The following UBXN8 variants were observed in gnomAD, a reference collection of about 807,000 sequenced individuals.
UBXN8 encodes the protein UBX domain protein 8, also known as UBX domain-containing protein 8.
A neutral mutation model predicts 32.1 loss-of-function variants in UBXN8; 27 were observed. That is an observed-to-expected ratio of 0.84 (90% confidence interval 0.62 to 1.16). The LOEUF (loss-of-function observed/expected upper bound fraction) is 1.16. Among genes scored for constraint, UBXN8 ranks in the 50% most tolerant of loss-of-function variants. The pLI is 0.00. For synonymous variants in UBXN8, 109 were observed against 111.8 expected (o/e 0.98, Z 0.16); for missense variants, 306 against 311.4 (o/e 0.98, Z 0.13).
In UBXN8 at chr8:30,754,735, T is replaced by C. The variant is rs766029391; in HGVS notation, c.353T>C (p.Phe118Ser). 1 of 1,564,414 alleles carries C rather than the reference T, an allele frequency of 6.4e-7. No homozygotes were observed. Among genetic ancestry groups the C allele is most frequent in the South Asian group, 1.2e-5 (1 of 80,636 alleles). The stretch of plus-strand genomic sequence containing the variant: ...AAATTGAGAAAACTGGAGGAGCGCT[T>C]TTATCAAATGACGGGTGAAGCCTGG... ...EMKLRKLEERFYQMTGEAWKL... is the reference protein window; with the variant it reads ...EMKLRKLEERSYQMTGEAWKL... The change falls in exon 4 of 8, where the codon TTT becomes TCT. Residue 118 changes from phenylalanine to serine, a missense_variant. Physicochemically the swap from Phe to Ser is radical, Grantham distance 155. Coordinates refer to ENST00000265616, the MANE Select transcript of UBXN8 (RefSeq NM_005671.4).
chr8:30,753,226 C>T, intron 3 of UBXN8, 121 bp downstream of exon 3: 1 of 1,269,712 alleles, frequency 7.9e-7, no homozygotes, highest in Non-Finnish European at 1.0e-6. Flanking sequence ...ATAATGAGGT[C>T]AAATTCACGT....
intron 1 of UBXN8, among the ~76,000 whole-genome samples, chr8:30,736,873 T>C (rs1198725841): frequency 6.6e-6 from 1 of 152,178 alleles, no homozygotes; most frequent in Admixed American, 6.5e-5. Flanking sequence ...GCTTAAGAAA[T>C]GTAGTACTAC....
At chr8:30,732,355 G>A, upstream of UBXN8, 2 of 398,184 alleles carry the variant, frequency 5.0e-6, no homozygotes, top group Admixed American at 4.4e-5. Flanking sequence ...AAAAAGCTCA[G>A]ATCTGCCAAC....
upstream of UBXN8, among the ~76,000 whole-genome samples, chr8:30,729,211 A>T (rs551502059): frequency 6.6e-6 from 1 of 152,324 alleles, no homozygotes; most frequent in Admixed American, 6.5e-5. Context: ...GGATCCTGCG[A>T]GCGCTCCTGG....
intron 5 of UBXN8, among the ~76,000 whole-genome samples, chr8:30,758,900 T>TTTTTTG (rs1805746509): frequency 1.6e-5 from 2 of 121,998 alleles, no homozygotes; most frequent in Non-Finnish European, 3.3e-5. Context: ...TTTTGTTTTT[T>TTTTTTG]TTTTTTTTTT....
At position 30,744,357 on chromosome 8, in the gene UBXN8, G is replaced by C; in HGVS notation, c.88+80G>C. On this transcript the variant is annotated intron_variant, in intron 1 of 7. Coordinates refer to ENST00000265616, the MANE Select transcript of UBXN8 (RefSeq NM_005671.4). Reference sequence around the variant, plus strand: ...GTTGCATAGAACGACCGCCTCTTCGGCTGCGTGGCTTCGGAGCAGCTTTGA... The same window carrying C: ...GTTGCATAGAACGACCGCCTCTTCGCCTGCGTGGCTTCGGAGCAGCTTTGA... 5.7e-6 allele frequency: 8 copies of C among 1,408,330 alleles called. No homozygotes were observed. The South Asian group carries it at 8.5e-5, about 15-fold the overall frequency. The allele number at this position is 1,408,330 out of a possible 1,614,324, so 87.2% of individuals were successfully genotyped here.
upstream of UBXN8, among the ~76,000 whole-genome samples, chr8:30,730,812 C>T (rs1259490241): frequency 1.3e-5 from 2 of 152,120 alleles, no homozygotes; most frequent in Non-Finnish European, 2.9e-5. Context: ...TTAGTCAAAG[C>T]GCAGAAGACA....
chr8:30,755,068 G>A (rs1805620190), intron 4 of UBXN8, among the ~76,000 whole-genome samples: 1 of 149,458 alleles, frequency 6.7e-6, no homozygotes. Flanking sequence ...CCATTCTCCT[G>A]CCTCAGCCTC....
rs1246365364 is a variant in UBXN8, at chr8:30,751,443, G to A, written c.136G>A (p.Ala46Thr). Residue 46 changes from alanine (A) to threonine (T), a missense_variant, in exon 2 of 8, where the codon GCT becomes ACT. Physicochemically the swap from Ala to Thr is moderately conservative, Grantham distance 58. Transcript: ENST00000265616. The stretch of plus-strand genomic sequence containing the variant: ...TTGTGGCCGGATTTTGCTACTGCTT[G>A]CTCTTCTTACTTTAACTATTTCTGT... ...LLCGRILLLLALLTLTISVTT... is the reference protein window; with the variant it reads ...LLCGRILLLLTLLTLTISVTT... 1 of 1,606,770 alleles carries A rather than the reference G, an allele frequency of 6.2e-7. No homozygotes were observed. Among genetic ancestry groups the A allele is most frequent in the Non-Finnish European group, 8.5e-7 (1 of 1,176,022 alleles).
At chr8:30,763,424 G>A in intron 7 of UBXN8, 77 bp downstream of exon 7, 1 of 1,381,920 alleles carries the variant, frequency 7.2e-7, no homozygotes. Flanking sequence ...CGTGGGGGAA[G>A]GTGTGATCAC....
intron 1 of UBXN8, among the ~76,000 whole-genome samples, chr8:30,737,160 G>A (rs1805083652): frequency 6.6e-6 from 1 of 152,048 alleles, no homozygotes; most frequent in African/African-American, 2.4e-5. Flanking sequence ...TTGTATCTGT[G>A]GATTCCATCA....
upstream of UBXN8, chr8:30,744,101 G>C: frequency 7.8e-7 from 1 of 1,281,244 alleles, no homozygotes; most frequent in Non-Finnish European, 1.1e-6. Context: ...TCTCCCAGCC[G>C]GCCCGCGGCA....
At chr8:30,745,879 C>A (rs1805346507) in intron 1 of UBXN8, among the ~76,000 whole-genome samples, 1 of 152,178 alleles carries the variant, frequency 6.6e-6, no homozygotes, top group Non-Finnish European at 1.5e-5. Flanking sequence ...TTCTGAGTAG[C>A]TAGGAATACA....
At chr8:30,742,511 A>G (rs567556045), upstream of UBXN8, among the ~76,000 whole-genome samples, 76 of 151,374 alleles carry the variant, frequency 5.0e-4, no homozygotes, top group Non-Finnish European at 1.5e-5. Context: ...CATCACGCGC[A>G]GCTATTTTTT....
chr8:30,742,353 CTTTAT>C (rs1805224987), upstream of UBXN8, among the ~76,000 whole-genome samples: 1 of 152,024 alleles, frequency 6.6e-6, no homozygotes, highest in African/African-American at 2.4e-5. Context: ...CTTCATTCAG[CTTTAT>C]TTTATTTTTA....
Position 30,766,437 on chromosome 8 carries a change from T to C in UBXN8, c.*43T>C, listed in dbSNP as rs1331515870. ...CCTGTTTGCATGAAGTCAGTTATGC[T>C]ATGACCTTCTGGCACAATAAAGGCT... On this transcript the variant is annotated 3_prime_UTR_variant, in exon 8 of 8. Transcript: ENST00000265616. 2 of 1,503,366 alleles carry C rather than the reference T, an allele frequency of 1.3e-6. No homozygotes were observed. The highest frequency in any genetic ancestry group is 1.8e-6 in the Non-Finnish European group (2 of 1,119,590). The allele number at this position is 1,503,366 out of a possible 1,614,324, so 93.1% of individuals were successfully genotyped here.
In UBXN8 at chr8:30,766,239, T is replaced by C. The variant is rs531704786; in HGVS notation, c.658T>C (p.Trp220Arg). 6.2e-7 allele frequency: 1 copy of C among 1,611,914 alleles called. No homozygotes were observed. Among genetic ancestry groups the C allele is most frequent in the East Asian group, 2.2e-5 (1 of 44,790 alleles). ...KSYSSQVLFD[W>R]MTRIGYHISL... is the part of the protein sequence containing the mutation. ...TTTCATCTTCTAGGTCTTATTTGAC[T>C]GGATGACGAGAATTGGGTACCACAT... Residue 220 changes from tryptophan to arginine, a missense_variant, in exon 8 of 8, where the codon TGG becomes CGG. Coordinates refer to ENST00000265616, the MANE Select transcript of UBXN8 (RefSeq NM_005671.4).
intron 5 of UBXN8, 95 bp from the exon 6 acceptor site, chr8:30,760,793 T>A: frequency 1.4e-6 from 1 of 721,604 alleles, no homozygotes; most frequent in Middle Eastern, 2.4e-4. Context: ...TAAGCTTAGA[T>A]GTGTGTCTAA....
intron 4 of UBXN8, chr8:30,756,051 G>A (rs1295235622): frequency 6.7e-6 from 1 of 149,514 alleles, no homozygotes; most frequent in African/African-American, 2.5e-5. Context: ...TTGAGGCTGA[G>A]TCTCACTCTG....
Sources: gnomAD v4.1 joint callset for allele counts (sites outside exome capture counted in the v4.1 genomes callset) on GRCh38, gnomAD v4.1.1 for gene constraint, MANE v1.5 for transcripts, NCBI Gene and HGNC (gene_info 2026-07-23, HGNC 2026-07-21) for gene names.